The following PRPF39 variants were observed in gnomAD, a reference collection of about 807,000 sequenced individuals.
PRPF39 encodes the protein pre-mRNA-processing factor 39.
In PRPF39, 27 loss-of-function variants were observed where a neutral mutation model predicts 82.1. The observed-to-expected ratio is 0.33, with a 90% CI of 0.24 to 0.45. The LOEUF (loss-of-function observed/expected upper bound fraction) is 0.45, where lower values mean the gene tolerates loss of function less well. PRPF39 is among the 20% of genes least tolerant of loss of function. The pLI is 1.00. For synonymous variants in PRPF39, 261 were observed against 256.4 expected, an observed-to-expected ratio of 1.02 and a Z score of -0.17; for missense variants, 581 against 796.9, an observed-to-expected ratio of 0.73 and a Z score of 3.26.
At position 45,115,938 on chromosome 14, in the gene PRPF39, G is replaced by T. The variant is rs1357088661; in HGVS notation, c.*1025G>T. 1.0e-5 allele frequency: 4 copies of T among 399,804 alleles called. No individual in the cohort carries two copies. The highest frequency in any genetic ancestry group is 1.9e-5 in the Non-Finnish European group (4 of 215,270). 24.8% of individuals were successfully genotyped at this position (399,804 alleles called of 1,614,324 possible). A position where few individuals can be genotyped will look rare whatever the true frequency, so the allele number is the denominator to read the frequency against. ...GATCAATTTTTATTGAGCCACTTAAGTTTACAACATGAGGTAAAAGGAAAA... is the reference window on the plus strand; with the variant it reads ...GATCAATTTTTATTGAGCCACTTAATTTTACAACATGAGGTAAAAGGAAAA... On this transcript the variant is annotated 3_prime_UTR_variant, in exon 14 of 14. Coordinates refer to ENST00000355765, the MANE Select transcript of PRPF39 (RefSeq NM_017922.4).
chr14:45,111,373 C>T (rs989837050), intron 10 of PRPF39, among the ~76,000 whole-genome samples: 5 of 151,160 alleles, frequency 3.3e-5, no homozygotes, highest in African/African-American at 4.9e-5. Context: ...TTGAGTCTGT[C>T]GCCTAAGCTG....
In PRPF39 at chr14:45,102,232, A is replaced by T. The variant is rs750507530; in HGVS notation, c.570-297A>T. On this transcript the variant is annotated intron_variant, in intron 4 of 13. Coordinates refer to ENST00000355765, the MANE Select transcript of PRPF39 (RefSeq NM_017922.4). ...TCAATCTATACAATAGACATTTCAGATTTAACAAATACTTACATGTCTACT... is the reference window on the plus strand; with the variant it reads ...TCAATCTATACAATAGACATTTCAGTTTTAACAAATACTTACATGTCTACT... Among the ~76,000 whole-genome samples, 6 of 152,160 alleles carry T rather than the reference A, an allele frequency of 3.9e-5. No homozygotes were observed. The East Asian group carries it at 9.6e-4, about 24-fold the overall frequency.
chr14:45,110,558 A>G lies in PRPF39; in HGVS notation c.1313A>G (p.Asn438Ser), dbSNP rs1163340839. ...AAFEEQQGNI[N>S]EARNILKTFE... ...TAATTACTGTTTCTAGGTAATATTA[A>G]TGAAGCCAGGAATATCTTGAAAACA... The change falls in exon 10 of 14, where the codon AAT (asparagine) becomes AGT (serine). Residue 438 changes from asparagine to serine, a missense_variant. By Grantham distance (46) the Asn-to-Ser change is conservative. Coordinates refer to ENST00000355765, the MANE Select transcript of PRPF39 (RefSeq NM_017922.4). The surrounding 1 kb of genome is among the most constrained non-coding windows in gnomAD (Gnocchi z 4.0). 1 of 1,558,698 alleles carries G rather than the reference A, an allele frequency of 6.4e-7. No individual in the cohort carries two copies. The highest frequency in any genetic ancestry group is 2.4e-5 in the East Asian group (1 of 42,190).
intron 4 of PRPF39, 56 bp downstream of exon 4, chr14:45,097,061 G>A (rs1391221032): frequency 2.2e-5 from 32 of 1,464,064 alleles, no homozygotes; most frequent in Non-Finnish European, 2.7e-5. Flanking sequence ...TTATTCTGAT[G>A]TTGATAATAG....
intron 1 of PRPF39, among the ~76,000 whole-genome samples, chr14:45,091,519 A>G (rs1328029158): frequency 6.6e-6 from 1 of 152,232 alleles, no homozygotes; most frequent in Non-Finnish European, 1.5e-5. Flanking sequence ...GGTCACACAT[A>G]GACACATGAC....
At position 45,096,229 on chromosome 14, in the gene PRPF39, G is replaced by T; in HGVS notation, c.450+1G>T. 6.3e-7 allele frequency: 1 copy of T among 1,591,274 alleles called. No individual in the cohort carries two copies. The highest frequency in any genetic ancestry group is 8.6e-7 in the Non-Finnish European group (1 of 1,168,182). ...CGACAACATTAAACCATCAGATGAG[G>T]TGCGTACATCACTGAATAAACTTAT... is the stretch of plus-strand genomic sequence containing the variant. On this transcript the variant is annotated splice_donor_variant, in intron 3 of 13. Transcript: ENST00000355765. LOFTEE classifies it high-confidence loss of function.
intron 7 of PRPF39, 149 bp from the exon 8 acceptor site, chr14:45,109,467 G>A (rs1249267972): frequency 3.2e-6 from 2 of 625,340 alleles, no homozygotes; most frequent in Non-Finnish European, 4.8e-6. Context: ...GGAATTTAAG[G>A]GTTAATTTTA....
At chr14:45,097,312 T>A (rs996555396) in intron 4 of PRPF39, among the ~76,000 whole-genome samples, 5 of 152,058 alleles carry the variant, frequency 3.3e-5, no homozygotes, top group Admixed American at 6.6e-5. Context: ...TTTTTTTTTT[T>A]AATAATGTTT....
At chr14:45,091,795 C>T (rs771106130) in intron 1 of PRPF39, among the ~76,000 whole-genome samples, 6 of 151,974 alleles carry the variant, frequency 3.9e-5, no homozygotes, top group Admixed American at 1.3e-4. Context: ...CTATTGTTGC[C>T]GGGGATATAA....
rs1041279117 is a variant in PRPF39 at position 45,109,718 on chromosome 14, G to C, written c.1114G>C (p.Val372Leu). The C allele has an allele frequency of 2.5e-6, 4 of 1,608,730 alleles. No individual in the cohort carries two copies. The African/African-American group carries it at 4.0e-5, about 16-fold the overall frequency. The change falls in exon 8 of 14, where the codon GTT (valine) becomes CTT (leucine). Residue 372 changes from valine (V) to leucine (L), a missense_variant. Physicochemically the swap from Val to Leu is conservative, Grantham distance 32. Transcript: ENST00000355765. ...FEIENGTHER[V>L]VVLFERCVIS... ...AATTGAAAATGGGACTCATGAACGA[G>C]TTGTGGTTCTCTTTGAAAGATGTGT...
At chr14:45,109,287 C>G (rs1420584731) in intron 7 of PRPF39, among the ~76,000 whole-genome samples, 1 of 152,192 alleles carries the variant, frequency 6.6e-6, no homozygotes, top group Non-Finnish European at 1.5e-5. Flanking sequence ...CAGAGTTCCC[C>G]TCTCCACTCC....
chr14:45,107,982 C>T (rs558914676), intron 6 of PRPF39, among the ~76,000 whole-genome samples: 1 of 152,188 alleles, frequency 6.6e-6, no homozygotes, highest in Admixed American at 6.5e-5. Flanking sequence ...TATCCCTTGA[C>T]TCCATGAGTG....
chr14:45,115,603 T>G lies in PRPF39; in HGVS notation c.*690T>G, dbSNP rs1369943433. On this transcript the variant is annotated 3_prime_UTR_variant, in exon 14 of 14. Coordinates refer to ENST00000355765, the MANE Select transcript of PRPF39 (RefSeq NM_017922.4). ...TAAAACGGAAGACTCATCCAGTAAT[T>G]GTTTATGAATTTATTTTGGGGGGAT... The G allele has an allele frequency of 6.6e-6, 1 of 152,610 alleles. No individual in the cohort carries two copies. Among genetic ancestry groups the G allele is most frequent in the Non-Finnish European group, 1.5e-5 (1 of 68,016 alleles). The allele number at this position is 152,610 out of a possible 1,614,324, so 9.5% of individuals were successfully genotyped here.
intron 4 of PRPF39, among the ~76,000 whole-genome samples, chr14:45,100,066 T>G (rs1884325972): frequency 1.3e-5 from 2 of 151,928 alleles, no homozygotes; most frequent in South Asian, 4.2e-4. Context: ...TGTCTCTACT[T>G]AAAATACAAA....
intron 10 of PRPF39, among the ~76,000 whole-genome samples, chr14:45,111,772 G>T (rs1195593226): frequency 6.6e-6 from 1 of 150,880 alleles, no homozygotes; most frequent in African/African-American, 2.4e-5. Flanking sequence ...CCAAGTAGCT[G>T]GGATTAAAGG....
At position 45,114,207 on chromosome 14, in the gene PRPF39, T is replaced by A; in HGVS notation, c.1782T>A (p.His594Gln). Residue 594 changes from histidine to glutamine, a missense_variant, in exon 12 of 14, where the codon CAT becomes CAA. Transcript: ENST00000355765. ...GGCTTCTGAATGCTTATGATGAACA[T>A]CAAACACTCCTGAAAGAACAGGATT... ...VNKLLNAYDE[H>Q]QTLLKEQDSL... 1 of 1,602,054 alleles carries A rather than the reference T, an allele frequency of 6.2e-7. No individual in the cohort carries two copies. Among genetic ancestry groups the A allele is most frequent in the Non-Finnish European group, 8.5e-7 (1 of 1,172,042 alleles).
chr14:45,109,744 C>A lies in PRPF39; in HGVS notation c.1140C>A (p.Val380=). Residue 380 remains valine (V), a synonymous_variant, in exon 8 of 14, where the codon GTC becomes GTA. Coordinates refer to ENST00000355765, the MANE Select transcript of PRPF39 (RefSeq NM_017922.4). The part of the protein sequence containing the change: ...ERVVVLFERC[V]ISCALYEEFW... ...TTGTGGTTCTCTTTGAAAGATGTGTCATATCATGTGCCCTCTATGAGGAGT... is the reference window on the plus strand; with the variant it reads ...TTGTGGTTCTCTTTGAAAGATGTGTAATATCATGTGCCCTCTATGAGGAGT... 1 of 1,608,084 alleles carries A rather than the reference C, an allele frequency of 6.2e-7. No homozygotes were observed. Among genetic ancestry groups the A allele is most frequent in the African/African-American group, 1.3e-5 (1 of 74,978 alleles).
At chr14:45,096,580 T>C (rs1331462418) in intron 3 of PRPF39, 22 of 1,442,244 alleles carry the variant, frequency 1.5e-5, no homozygotes, top group Admixed American at 2.1e-5. Flanking sequence ...CTACGTCTTA[T>C]TGCATTTTTG....
chr14:45,106,663 T>TG (rs1884542968), intron 5 of PRPF39, among the ~76,000 whole-genome samples: 1 of 152,218 alleles, frequency 6.6e-6, no homozygotes, highest in Non-Finnish European at 1.5e-5. Flanking sequence ...AGGTTTGGAC[T>TG]TGTGTTGTAG....
Sources: gnomAD v4.1 joint callset for allele counts (sites outside exome capture counted in the v4.1 genomes callset) on GRCh38, gnomAD v4.1.1 for gene constraint, Gnocchi (gnomAD v3.1) non-coding constraint, MANE v1.5 for transcripts, NCBI Gene and HGNC (gene_info 2026-07-23, HGNC 2026-07-21) for gene names.